Variants in AOPEP observed in about 807,000 individuals in gnomAD.
The protein encoded by AOPEP is aminopeptidase O (putative).
AOPEP carries 77 observed loss-of-function variants against 98.1 expected under a neutral mutation model. The observed-to-expected ratio is 0.78, with a 90% confidence interval of 0.65 to 0.95. The LOEUF (loss-of-function observed/expected upper bound fraction) is 0.95, where lower values mean the gene tolerates loss of function less well. AOPEP is among the 40% of genes least tolerant of loss of function. The pLI is 0.00. For synonymous variants in AOPEP, 346 were observed against 365.3 expected (o/e 0.95, Z 0.60); for missense variants, 1,024 against 1,024.7 (o/e 1.00, Z 0.01).
chr9:95,133,885 T>A, the AOPEP span, among the ~76,000 whole-genome samples: 4 of 152,210 alleles, frequency 2.6e-5, no homozygotes, highest in Non-Finnish European at 4.4e-5. Context: ...CTGAAAGTCA[T>A]GATTTATTTT....
intron 1 of AOPEP, among the ~76,000 whole-genome samples, chr9:94,754,116 A>C (rs1019938134): frequency 2.6e-5 from 4 of 152,236 alleles, no homozygotes; most frequent in Non-Finnish European, 5.9e-5. Flanking sequence ...GCAGAGTAAT[A>C]TGTCAGTGTG....
At chr9:94,968,183 G>T (rs1478877491) in intron 10 of AOPEP, among the ~76,000 whole-genome samples, 2 of 152,168 alleles carry the variant, frequency 1.3e-5, no homozygotes, top group Non-Finnish European at 1.5e-5. Context: ...AAAAAATGTA[G>T]TATAGTAGTA....
intron 11 of AOPEP, among the ~76,000 whole-genome samples, chr9:94,995,821 TA>T (rs1402710333): frequency 6.6e-6 from 1 of 152,248 alleles, no homozygotes; most frequent in Non-Finnish European, 1.5e-5. Flanking sequence ...AGGTGTCTAA[TA>T]AAGCTCTAAT....
At chr9:95,126,075 G>A in the AOPEP span, among the ~76,000 whole-genome samples, 3 of 152,200 alleles carry the variant, frequency 2.0e-5, no homozygotes, top group Non-Finnish European at 4.4e-5. Flanking sequence ...TGTTGTAAGA[G>A]AACATGCATG....
At chr9:95,026,672 A>G (rs573688889) in intron 13 of AOPEP, among the ~76,000 whole-genome samples, 1 of 152,326 alleles carries the variant, frequency 6.6e-6, no homozygotes, top group Admixed American at 6.5e-5. Flanking sequence ...TTAAATGAAC[A>G]TATGCTTTTA....
chr9:94,989,842 C>G (rs535546391), intron 11 of AOPEP, among the ~76,000 whole-genome samples: 1 of 151,954 alleles, frequency 6.6e-6, no homozygotes, highest in East Asian at 1.9e-4. Context: ...AACTCCTGAC[C>G]TTGTGATCCG....
chr9:94,774,965 G>A (rs1220776703), intron 3 of AOPEP, among the ~76,000 whole-genome samples: 1 of 151,638 alleles, frequency 6.6e-6, no homozygotes, highest in Non-Finnish European at 1.5e-5. Context: ...TATTTCCTTT[G>A]CCCATTTTTT....
At chr9:95,075,113 G>A (rs756643552) in intron 14 of AOPEP, among the ~76,000 whole-genome samples, 2 of 151,882 alleles carry the variant, frequency 1.3e-5, no homozygotes, top group East Asian at 1.9e-4. Flanking sequence ...TTCCTCCCTC[G>A]CCCCTTTGGT....
At chr9:95,072,405 C>A (rs2068603248) in intron 14 of AOPEP, among the ~76,000 whole-genome samples, 1 of 152,194 alleles carries the variant, frequency 6.6e-6, no homozygotes, top group East Asian at 1.9e-4. Context: ...TGTTTGTAAT[C>A]CCAGCACTTT....
Position 95,010,112 on chromosome 9 carries a change from T to G in AOPEP, c.2115+4496T>G, listed in dbSNP as rs536853819. On this transcript the variant is annotated intron_variant, in intron 13 of 16. Coordinates refer to ENST00000375315, the MANE Select transcript of AOPEP (RefSeq NM_001193329.3). Reference sequence around the variant, plus strand: ...AATTGTATATAAAATCCAATTTGGTTTATGCATTTTTTAGCGTTTATTGTT... The same window carrying G: ...AATTGTATATAAAATCCAATTTGGTGTATGCATTTTTTAGCGTTTATTGTT... Among the ~76,000 whole-genome samples the G allele has an allele frequency of 1.6e-4, 25 of 152,298 alleles. 1 individual carries two copies. In the South Asian group the frequency reaches 5.2e-3, roughly 32 times the overall value.
the AOPEP span, among the ~76,000 whole-genome samples, chr9:95,137,216 G>C: frequency 6.6e-6 from 1 of 152,160 alleles, no homozygotes; most frequent in Non-Finnish European, 1.5e-5. Flanking sequence ...TCCAGGGACA[G>C]GAAGGGACAT....
intron 11 of AOPEP, among the ~76,000 whole-genome samples, chr9:95,002,407 G>A (rs563038948): frequency 1.5e-4 from 23 of 152,236 alleles, no homozygotes; most frequent in African/African-American, 5.3e-4. Context: ...GGAGAGAGAC[G>A]TTCAGTACAT....
intron 7 of AOPEP, chr9:94,928,782 G>T: frequency 2.3e-6 from 1 of 430,996 alleles, no homozygotes; most frequent in Non-Finnish European, 4.2e-6. Flanking sequence ...CAGATCCTTC[G>T]TTTGAAGTTC....
At chr9:95,060,590 A>ATAT in intron 13 of AOPEP, 104 bp from the exon 14 acceptor site, 1 of 776,930 alleles carries the variant, frequency 1.3e-6, no homozygotes, top group East Asian at 2.5e-5. Context: ...ATATGCTGAA[A>ATAT]GCACCCAGGT....
At chr9:94,845,928 C>T (rs10993368) in intron 5 of AOPEP, among the ~76,000 whole-genome samples, 1 of 152,010 alleles carries the variant, frequency 6.6e-6, no homozygotes. Context: ...AACTCCATCT[C>T]TATTAAAAAT....
Position 95,060,562 on chromosome 9 carries a change from T to A in AOPEP, c.2116-132T>A, listed in dbSNP as rs1390494224. ...GGAATTACAAAAGTCAGCCGAACAG[T>A]CTTTCCATGTTGCCAATATATGCTG... On this transcript the variant is annotated intron_variant, in intron 13 of 16. Transcript: ENST00000375315. 4.3e-6 allele frequency: 3 copies of A among 699,880 alleles called. No homozygotes were observed. The African/African-American group carries it at 5.3e-5, about 12-fold the overall frequency. The allele number at this position is 699,880 out of a possible 1,614,324, so 43.4% of individuals were successfully genotyped here. A position where few individuals can be genotyped will look rare whatever the true frequency, so the allele number is the denominator to read the frequency against.
chr9:94,995,456 CAGAG>C (rs2061162482), intron 11 of AOPEP, among the ~76,000 whole-genome samples: 1 of 152,162 alleles, frequency 6.6e-6, no homozygotes, highest in Non-Finnish European at 1.5e-5. Context: ...GTGGCAATGA[CAGAG>C]AGTGCCTAGT....
chr9:94,752,213 A>G (rs114758119), intron 1 of AOPEP, among the ~76,000 whole-genome samples: 65 of 152,270 alleles, frequency 4.3e-4, no homozygotes, highest in African/African-American at 1.5e-3. Context: ...CACCAAAAGG[A>G]ATTGTGGGTC....
intron 3 of AOPEP, among the ~76,000 whole-genome samples, chr9:94,773,654 T>C (rs1187511212): frequency 6.6e-6 from 1 of 152,208 alleles, no homozygotes; most frequent in African/African-American, 2.4e-5. Context: ...CAAAGGTGTA[T>C]AAGAAAGATG....
Sources: gnomAD v4.1 joint callset for allele counts (sites outside exome capture counted in the v4.1 genomes callset) on GRCh38, gnomAD v4.1.1 for gene constraint, MANE v1.5 for transcripts, NCBI Gene and HGNC (gene_info 2026-07-23, HGNC 2026-07-21) for gene names.